ZNRF3: variants seen among roughly 807,000 people sequenced by gnomAD.
The protein encoded by ZNRF3 is E3 ubiquitin-protein ligase ZNRF3.
A neutral mutation model predicts 72.5 loss-of-function variants in ZNRF3; 23 were observed. The ratio of observed to expected loss-of-function variants is 0.32; its 90% CI spans 0.23 to 0.45. ZNRF3 has a LOEUF of 0.45. Among genes scored for constraint, ZNRF3 ranks in the 20% least tolerant of loss-of-function variants. ZNRF3 has a pLI of 1.00. For synonymous variants in ZNRF3, 610 were observed against 545.3 expected, an observed-to-expected ratio of 1.12 and a Z score of -1.65; for missense variants, 1,169 against 1,272.1, an observed-to-expected ratio of 0.92 and a Z score of 1.23.
At chr22:28,967,118 G>C (rs2035482466) in intron 1 of ZNRF3, among the ~76,000 whole-genome samples, 2 of 152,148 alleles carry the variant, frequency 1.3e-5, no homozygotes, top group Non-Finnish European at 1.5e-5. Flanking sequence ...CTGACCTCAG[G>C]TGATCCACCC....
At chr22:28,914,066 G>A (rs889259408) in intron 1 of ZNRF3, among the ~76,000 whole-genome samples, 9 of 152,178 alleles carry the variant, frequency 5.9e-5, no homozygotes, top group African/African-American at 2.2e-4. Flanking sequence ...GTACTTTCCA[G>A]ATGTATTTGA....
At chr22:28,945,587 T>C (rs1167417980) in intron 1 of ZNRF3, among the ~76,000 whole-genome samples, 1 of 151,644 alleles carries the variant, frequency 6.6e-6, no homozygotes, top group Non-Finnish European at 1.5e-5. Context: ...TGGAGTGCAG[T>C]GGTGCGATCT....
At chr22:29,000,907 G>A (rs902021354) in intron 2 of ZNRF3, among the ~76,000 whole-genome samples, 1 of 152,044 alleles carries the variant, frequency 6.6e-6, no homozygotes, top group Non-Finnish European at 1.5e-5. Context: ...TCCCACCTCA[G>A]CCTCCTGAGT....
In ZNRF3 at chr22:28,984,493, G is replaced by A. The variant is rs191411203; in HGVS notation, c.301-2583G>A. Among the ~76,000 whole-genome samples, 3 of 152,324 alleles carry A rather than the reference G, an allele frequency of 2.0e-5. No homozygotes were observed. The East Asian group carries it at 5.8e-4, about 29-fold the overall frequency. ...CAGATGATACCTATGCTCCTCCAAA[G>A]CAACTCTTTATCATTGGCCAAACCC... On this transcript the variant is annotated intron_variant, in intron 1 of 8. Transcript: ENST00000544604.
intron 1 of ZNRF3, among the ~76,000 whole-genome samples, chr22:28,911,665 T>C (rs1450037215): frequency 1.4e-5 from 2 of 143,764 alleles, no homozygotes; most frequent in African/African-American, 5.1e-5. Flanking sequence ...CATTTGACCT[T>C]GGTTAGCACT....
In ZNRF3 at chr22:28,991,172, C is replaced by T. The variant is rs142107852; in HGVS notation, c.426+3971C>T. ...TGGTGCATGCCTGTGGTTTCAGCTA[C>T]TCGGGAGGCTGAGGTGGGAGGATTG... On this transcript the variant is annotated intron_variant, in intron 2 of 8. Coordinates refer to ENST00000544604, the MANE Select transcript of ZNRF3 (RefSeq NM_001206998.2). Among the ~76,000 whole-genome samples the T allele has an allele frequency of 1.0e-3, 151 of 149,316 alleles. 5 individuals carry two copies. In the South Asian group the frequency reaches 0.022, roughly 22 times the overall value.
At chr22:28,968,040 A>T (rs2035506619) in intron 1 of ZNRF3, among the ~76,000 whole-genome samples, 1 of 152,002 alleles carries the variant, frequency 6.6e-6, no homozygotes, top group African/African-American at 2.4e-5. Flanking sequence ...CACAGCCTTC[A>T]TCTTTCTGAA....
intron 2 of ZNRF3, among the ~76,000 whole-genome samples, chr22:29,022,537 C>A (rs1008888472): frequency 2.6e-5 from 4 of 152,086 alleles, no homozygotes; most frequent in East Asian, 1.9e-4. Context: ...ACTGTGTGAC[C>A]AGCAGTACTC....
chr22:28,907,149 G>GTTT (rs3884979), intron 1 of ZNRF3, among the ~76,000 whole-genome samples: 1 of 146,904 alleles, frequency 6.8e-6, no homozygotes, highest in Non-Finnish European at 1.5e-5. Flanking sequence ...CGCCCGTCCA[G>GTTT]TTTTTTTTTT....
intron 1 of ZNRF3, among the ~76,000 whole-genome samples, chr22:28,897,152 C>G (rs2034012509): frequency 6.6e-6 from 1 of 152,160 alleles, no homozygotes; most frequent in Non-Finnish European, 1.5e-5. Flanking sequence ...ACATCAGTCT[C>G]TTGATCAAAA....
chr22:28,990,020 CTCT>C (rs1252559605), intron 2 of ZNRF3, among the ~76,000 whole-genome samples: 1 of 152,238 alleles, frequency 6.6e-6, no homozygotes, highest in Non-Finnish European at 1.5e-5. Context: ...TCCCCTCCTT[CTCT>C]TCTTTTCCAT....
intron 1 of ZNRF3, among the ~76,000 whole-genome samples, chr22:28,954,859 C>A (rs1010608876): frequency 2.0e-5 from 3 of 150,464 alleles, no homozygotes; most frequent in Admixed American, 6.6e-5. Flanking sequence ...AAGGGATTCT[C>A]CCACCTTGTC....
At chr22:28,960,030 C>G (rs912346076) in intron 1 of ZNRF3, among the ~76,000 whole-genome samples, 1 of 152,226 alleles carries the variant, frequency 6.6e-6, no homozygotes, top group Non-Finnish European at 1.5e-5. Context: ...GACTGAGATA[C>G]TTAGTTCAGA....
At chr22:28,990,682 ATCAATCAG>A (rs540930498) in intron 2 of ZNRF3, among the ~76,000 whole-genome samples, 45 of 152,218 alleles carry the variant, frequency 3.0e-4, no homozygotes, top group Non-Finnish European at 5.6e-4. Flanking sequence ...TCTCCAGTCA[ATCAATCAG>A]TCAATCAGTC....
chr22:28,961,487 A>G (rs577783363), intron 1 of ZNRF3, among the ~76,000 whole-genome samples: 1 of 152,308 alleles, frequency 6.6e-6, no homozygotes, highest in South Asian at 2.1e-4. Flanking sequence ...TGTGGAGGCA[A>G]TGGGGCAAGA....
At chr22:28,943,328 C>T (rs2034984412) in intron 1 of ZNRF3, among the ~76,000 whole-genome samples, 1 of 152,176 alleles carries the variant, frequency 6.6e-6, no homozygotes. Context: ...TCTACACTTG[C>T]TTCCCTTAGC....
At chr22:29,017,408 C>T (rs1187104706) in intron 2 of ZNRF3, among the ~76,000 whole-genome samples, 3 of 152,020 alleles carry the variant, frequency 2.0e-5, no homozygotes, top group Admixed American at 1.3e-4. Flanking sequence ...AAGTGTGGCC[C>T]CTGTGGACAA....
intron 1 of ZNRF3, among the ~76,000 whole-genome samples, chr22:28,962,628 C>T (rs1200763705): frequency 6.6e-6 from 1 of 152,180 alleles, no homozygotes. Flanking sequence ...TAGTCATTTA[C>T]ACTGTTGTGT....
At chr22:29,015,811 A>G (rs1038837454) in intron 2 of ZNRF3, among the ~76,000 whole-genome samples, 1 of 151,950 alleles carries the variant, frequency 6.6e-6, no homozygotes, top group Non-Finnish European at 1.5e-5. Context: ...TGAGGTCTGG[A>G]GTTCGAGAGC....
Sources: allele counts gnomAD v4.1 joint callset (sites outside exome capture counted in the v4.1 genomes callset), GRCh38; gene constraint gnomAD v4.1.1; transcripts MANE v1.5; gene names NCBI Gene and HGNC (gene_info 2026-07-23, HGNC 2026-07-21).